The following THADA variants were observed in gnomAD, a reference collection of about 807,000 sequenced individuals.
The protein encoded by THADA is THADA armadillo repeat containing, also known as tRNA (32-2'-O)-methyltransferase regulator THADA.
Under a neutral mutation model 219.8 loss-of-function variants are expected in THADA, and 213 were observed. The ratio of observed to expected loss-of-function variants is 0.97; its 90% CI spans 0.87 to 1.09. THADA has a LOEUF of 1.09. Ranked by LOEUF, THADA falls within the 50% of genes least tolerant of loss-of-function variation. The pLI, the probability that THADA is intolerant of heterozygous loss-of-function variation, is 0.00. For synonymous variants in THADA, 1,018 were observed against 828.9 expected, an observed-to-expected ratio of 1.23 and a Z score of -3.92; for missense variants, 2,956 against 2,311.3, an observed-to-expected ratio of 1.28 and a Z score of -5.72.
intron 31 of THADA, among the ~76,000 whole-genome samples, chr2:43,296,886 G>C (rs1003289449): frequency 7.3e-5 from 11 of 151,110 alleles, no homozygotes; most frequent in African/African-American, 1.7e-4. Context: ...GGCCCCGCGG[G>C]GCCCGAGGGC....
chr2:43,341,274 G>A (rs957340604), intron 30 of THADA, among the ~76,000 whole-genome samples: 7 of 152,206 alleles, frequency 4.6e-5, no homozygotes, highest in African/African-American at 1.7e-4. Flanking sequence ...GGCAAGGAAG[G>A]TGGAAACCCA....
chr2:43,517,411 A>G (rs1465670434), intron 22 of THADA, among the ~76,000 whole-genome samples: 1 of 152,196 alleles, frequency 6.6e-6, no homozygotes, highest in Non-Finnish European at 1.5e-5. Context: ...GGTAATTTGT[A>G]TAACCTCAAC....
chr2:43,569,379 C>T (rs1699045324), intron 14 of THADA, among the ~76,000 whole-genome samples: 1 of 152,138 alleles, frequency 6.6e-6, no homozygotes, highest in South Asian at 2.1e-4. Context: ...CTACAAAGAG[C>T]TTTTTCATTT....
intron 31 of THADA, among the ~76,000 whole-genome samples, chr2:43,309,904 T>C (rs1367213837): frequency 2.0e-5 from 3 of 152,236 alleles, no homozygotes; most frequent in Non-Finnish European, 4.4e-5. Flanking sequence ...ATATCAATTG[T>C]AGCTCTATAC....
At chr2:43,344,642 G>A (rs73923581) in intron 29 of THADA, among the ~76,000 whole-genome samples, 1 of 152,228 alleles carries the variant, frequency 6.6e-6, no homozygotes, top group Non-Finnish European at 1.5e-5. Context: ...TACATTGTTT[G>A]AGAGTCTAAA....
intron 26 of THADA, among the ~76,000 whole-genome samples, chr2:43,453,552 T>C (rs1375639668): frequency 6.6e-6 from 1 of 152,168 alleles, no homozygotes; most frequent in Non-Finnish European, 1.5e-5. Context: ...AGTAAGTAGG[T>C]TGGTTTCTGT....
At chr2:43,265,004 A>G (rs977282606) in intron 36 of THADA, among the ~76,000 whole-genome samples, 1 of 152,204 alleles carries the variant, frequency 6.6e-6, no homozygotes, top group African/African-American at 2.4e-5. Context: ...ATGAATGAAC[A>G]TTTTATCTGA....
At chr2:43,534,564 G>A (rs372389977) in intron 21 of THADA, among the ~76,000 whole-genome samples, 14 of 152,226 alleles carry the variant, frequency 9.2e-5, no homozygotes, top group African/African-American at 3.1e-4. Context: ...AGAACATGCA[G>A]TGCTTAATTT....
intron 25 of THADA, among the ~76,000 whole-genome samples, chr2:43,491,595 T>C (rs1418102381): frequency 1.3e-5 from 2 of 152,202 alleles, no homozygotes; most frequent in African/African-American, 4.8e-5. Context: ...GTGTTACAAA[T>C]GCCTACATAC....
chr2:43,542,473 T>C (rs1420076787), intron 20 of THADA, among the ~76,000 whole-genome samples: 1 of 152,128 alleles, frequency 6.6e-6, no homozygotes, highest in Non-Finnish European at 1.5e-5. Context: ...CCCCACCTAG[T>C]GGAGAATGTA....
At chr2:43,270,177 T>C (rs1671964255) in intron 36 of THADA, among the ~76,000 whole-genome samples, 1 of 152,114 alleles carries the variant, frequency 6.6e-6, no homozygotes, top group African/African-American at 2.4e-5. Context: ...CAGGAGTGGG[T>C]GTTGTAGACC....
chr2:43,391,591 G>C (rs1673387977), intron 29 of THADA, among the ~76,000 whole-genome samples: 1 of 152,062 alleles, frequency 6.6e-6, no homozygotes, highest in African/African-American at 2.4e-5. Flanking sequence ...ACAAGGTTTA[G>C]TCCTTTCTTT....
chr2:43,293,359 C>T (rs2104373481), intron 31 of THADA, 146 bp from the exon 32 acceptor site: 2 of 893,674 alleles, frequency 2.2e-6, no homozygotes, highest in Non-Finnish European at 3.3e-6. Flanking sequence ...AAGTGAGTGG[C>T]CCTCTAAGGT....
At chr2:43,408,842 C>A (rs540777595) in intron 28 of THADA, among the ~76,000 whole-genome samples, 1 of 152,104 alleles carries the variant, frequency 6.6e-6, no homozygotes, top group African/African-American at 2.4e-5. Context: ...AATATTGATG[C>A]TAATAATAAA....
At chr2:43,457,343 G>C (rs928572766) in intron 26 of THADA, among the ~76,000 whole-genome samples, 5 of 152,228 alleles carry the variant, frequency 3.3e-5, no homozygotes, top group Admixed American at 3.3e-4. Flanking sequence ...ACACAAAGAG[G>C]TGCAGATGCT....
At chr2:43,255,942 C>T (rs1054643613) in intron 36 of THADA, among the ~76,000 whole-genome samples, 1 of 152,224 alleles carries the variant, frequency 6.6e-6, no homozygotes, top group Non-Finnish European at 1.5e-5. Flanking sequence ...GCCTCCTTTA[C>T]AGGGTCAAGA....
At chr2:43,503,697 A>G (rs1254408539) in intron 24 of THADA, among the ~76,000 whole-genome samples, 1 of 152,222 alleles carries the variant, frequency 6.6e-6, no homozygotes, top group African/African-American at 2.4e-5. Flanking sequence ...TAATAAAGAA[A>G]TGAACCCTGG....
chr2:43,300,629 C>T (rs1019524868), intron 31 of THADA, among the ~76,000 whole-genome samples: 2 of 152,218 alleles, frequency 1.3e-5, no homozygotes, highest in African/African-American at 2.4e-5. Context: ...AAAGGGCAAA[C>T]GTGTCAGGGA....
chr2:43,396,677 G>A (rs1337824294), intron 29 of THADA, among the ~76,000 whole-genome samples: 1 of 151,970 alleles, frequency 6.6e-6, no homozygotes, highest in African/African-American at 2.4e-5. Context: ...ACAGGGGGGT[G>A]CAGGCTGCTT....
Sources: gnomAD v4.1 joint callset for allele counts (sites outside exome capture counted in the v4.1 genomes callset) on GRCh38, gnomAD v4.1.1 for gene constraint, MANE v1.5 for transcripts, NCBI Gene and HGNC (gene_info 2026-07-23, HGNC 2026-07-21) for gene names.